Variants in CRHR2 observed in about 807,000 individuals in gnomAD.
CRHR2 encodes corticotropin-releasing hormone receptor 2.
A neutral mutation model predicts 57.9 loss-of-function variants in CRHR2; 53 were observed. The ratio of observed to expected loss-of-function variants is 0.92; its 90% CI spans 0.73 to 1.15. The LOEUF is 1.15. CRHR2 is among the 50% of genes most tolerant of loss of function. The probability of loss-of-function intolerance (pLI) is 0.00; values close to 1 mark genes in which losing one functional copy is unlikely to be tolerated. For synonymous variants in CRHR2, 213 were observed against 220.9 expected, an observed-to-expected ratio of 0.96 and a Z score of 0.32; for missense variants, 532 against 542.6, an observed-to-expected ratio of 0.98 and a Z score of 0.19.
chr7:30,665,682 C>T lies in CRHR2; in HGVS notation c.316-43G>A, dbSNP rs192510567. ...GGCAGGGCAGATGGAGGCATGGGCA[C>T]GTGGGGGTGGGGCTGGGTATTCCAG... On this transcript the variant is annotated intron_variant, in intron 3 of 11. Transcript: ENST00000471646. This position sits in a 1 kb window ranked among gnomAD's most constrained non-coding sequence, Gnocchi z 4.5. 155 of 1,508,066 alleles carry T rather than the reference C, an allele frequency of 1.0e-4. 1 individual carries two copies. The East Asian group carries it at 3.5e-3, about 34-fold the overall frequency. 93.4% of individuals were successfully genotyped at this position (1,508,066 alleles called of 1,614,324 possible). A position where few individuals can be genotyped will look rare whatever the true frequency, so the allele number is the denominator to read the frequency against.
rs1215426461 is a variant in CRHR2 at position 30,682,319 on chromosome 7, C to T, written c.-39G>A. 6 of 1,506,582 alleles carry T rather than the reference C, an allele frequency of 4.0e-6. No homozygotes were observed. The highest frequency in any genetic ancestry group is 5.4e-5 in the East Asian group (2 of 37,184). The allele number at this position is 1,506,582 out of a possible 1,614,324, so 93.3% of individuals were successfully genotyped here. A position where few individuals can be genotyped will look rare whatever the true frequency, so the allele number is the denominator to read the frequency against. The stretch of plus-strand genomic sequence containing the variant: ...CGCGTGCGGAGAGGGAGTGGGAGTG[C>T]GCGCCCGGCGTGACTGCGAGGGAGT... On this transcript the variant is annotated 5_prime_UTR_variant, in exon 1 of 12. Transcript: ENST00000471646.
chr7:30,658,071 C>T (rs896539588), intron 8 of CRHR2, among the ~76,000 whole-genome samples: 2 of 152,204 alleles, frequency 1.3e-5, no homozygotes, highest in African/African-American at 4.8e-5. Context: ...CTCATCTCAG[C>T]TTGGGTCTAT....
chr7:30,665,690 TG>T lies in CRHR2; in HGVS notation c.316-52del. On this transcript the variant is annotated intron_variant, in intron 3 of 11. Transcript: ENST00000471646. The surrounding 1 kb of genome is among the most constrained non-coding windows in gnomAD (Gnocchi z 4.5). Reference sequence around the variant, plus strand: ...AGATGGAGGCATGGGCACGTGGGGGTGGGGCTGGGTATTCCAGCCGTGGCCA... The same window carrying T: ...AGATGGAGGCATGGGCACGTGGGGGTGGGCTGGGTATTCCAGCCGTGGCCA... The T allele has an allele frequency of 1.4e-6, 2 of 1,472,386 alleles. No individual in the cohort carries two copies. The highest frequency in any genetic ancestry group is 1.2e-5 in the South Asian group (1 of 81,688). The allele number at this position is 1,472,386 out of a possible 1,614,324, so 91.2% of individuals were successfully genotyped here.
At position 30,682,315 on chromosome 7, in the gene CRHR2, A is replaced by T; in HGVS notation, c.-35T>A. On this transcript the variant is annotated 5_prime_UTR_variant, in exon 1 of 12. Coordinates refer to ENST00000471646, the MANE Select transcript of CRHR2 (RefSeq NM_001883.5). Reference sequence around the variant, plus strand: ...CAGCCGCGTGCGGAGAGGGAGTGGGAGTGCGCGCCCGGCGTGACTGCGAGG... The same window carrying T: ...CAGCCGCGTGCGGAGAGGGAGTGGGTGTGCGCGCCCGGCGTGACTGCGAGG... The T allele has an allele frequency of 6.6e-7, 1 of 1,518,880 alleles. No homozygotes were observed. Among genetic ancestry groups the T allele is most frequent in the Non-Finnish European group, 8.8e-7 (1 of 1,138,898 alleles). The allele number at this position is 1,518,880 out of a possible 1,614,324, so 94.1% of individuals were successfully genotyped here.
At chr7:30,693,610 T>C (rs1785000230) in intron 1 of CRHR2, among the ~76,000 whole-genome samples, 1 of 152,264 alleles carries the variant, frequency 6.6e-6, no homozygotes, top group South Asian at 2.1e-4. Flanking sequence ...TAGCACACTA[T>C]TGAACCCAAA....
chr7:30,655,377 G>C lies in CRHR2; in HGVS notation c.1053+203C>G, dbSNP rs560487434. On this transcript the variant is annotated intron_variant, in intron 10 of 11. Transcript: ENST00000471646. ...CTCAGAACAGGTGCTGGGACAGTAG[G>C]TGCGGGCTGGTAGGATGAAGACCCA... 3.9e-5 allele frequency among the ~76,000 whole-genome samples: 6 copies of C among 152,328 alleles called. No individual in the cohort carries two copies. In the South Asian group the frequency reaches 1.2e-3, roughly 32 times the overall value.
chr7:30,677,444 C>T lies in CRHR2; in HGVS notation c.229+4471G>A, dbSNP rs887283796. Among the ~76,000 whole-genome samples, 9 of 152,264 alleles carry T rather than the reference C, an allele frequency of 5.9e-5. No homozygotes were observed. In the Middle Eastern group the frequency reaches 0.01, roughly 173 times the overall value. On this transcript the variant is annotated intron_variant, in intron 2 of 11. Coordinates refer to ENST00000471646, the MANE Select transcript of CRHR2 (RefSeq NM_001883.5). ...ACTTCCATGCTAATCCACTTCCTTTCGGCCTACAGACAGGGAGACAGGCCC... is the reference window on the plus strand; with the variant it reads ...ACTTCCATGCTAATCCACTTCCTTTTGGCCTACAGACAGGGAGACAGGCCC...
intron 1 of CRHR2, among the ~76,000 whole-genome samples, chr7:30,690,698 T>C (rs2128150918): frequency 6.6e-6 from 1 of 151,296 alleles, no homozygotes; most frequent in East Asian, 1.9e-4. Context: ...TGCTCAGCCC[T>C]CACCACGTCA....
rs914684839 is a variant in CRHR2, at chr7:30,655,441, A to G, written c.1053+139T>C. The G allele has an allele frequency of 5.5e-6, 6 of 1,090,206 alleles. No individual in the cohort carries two copies. The East Asian group carries it at 1.5e-4, about 27-fold the overall frequency. The allele number at this position is 1,090,206 out of a possible 1,614,324, so 67.5% of individuals were successfully genotyped here. ...ATAACTGGCCAGGCTCAGGCTGAGC[A>G]TGTACGGGCTTCTAACTCTGTGGAT... On this transcript the variant is annotated intron_variant, in intron 10 of 11. Coordinates refer to ENST00000471646, the MANE Select transcript of CRHR2 (RefSeq NM_001883.5).
exon 1 of CRHR2, chr7:30,700,055 G>A: frequency 1.5e-6 from 2 of 1,376,934 alleles, no homozygotes; most frequent in Non-Finnish European, 1.9e-6. Context: ...CTGGGGGTTA[G>A]GGACTGGAGC....
At chr7:30,691,041 G>A (rs975944931) in intron 1 of CRHR2, among the ~76,000 whole-genome samples, 3 of 152,150 alleles carry the variant, frequency 2.0e-5, no homozygotes, top group African/African-American at 4.8e-5. Flanking sequence ...CAGCTTCTCG[G>A]GCATCAGGAA....
intron 2 of CRHR2, among the ~76,000 whole-genome samples, chr7:30,674,717 C>T (rs2284218): frequency 0.48 from 73,421 of 151,986 alleles, 20,450 homozygotes; most frequent in Non-Finnish European, 0.63. Flanking sequence ...TAGACAGAAT[C>T]CTCCCTCCCA....
chr7:30,655,163 T>C, intron 10 of CRHR2, 83 bp from the exon 11 acceptor site: 1 of 1,156,260 alleles, frequency 8.6e-7, no homozygotes, highest in Non-Finnish European at 1.2e-6. Flanking sequence ...GGGGACAAGA[T>C]GGTGGGGGGG....
At chr7:30,695,246 C>T (rs1785034791) in intron 1 of CRHR2, among the ~76,000 whole-genome samples, 1 of 152,108 alleles carries the variant, frequency 6.6e-6, no homozygotes, top group African/African-American at 2.4e-5. Context: ...GAAGAGGAGA[C>T]TTTAGATACT....
chr7:30,667,186 C>T (rs1784212437), intron 3 of CRHR2, 42 bp downstream of exon 3: 1 of 1,576,844 alleles, frequency 6.3e-7, no homozygotes, highest in Non-Finnish European at 8.7e-7. Flanking sequence ...AGTCCAAATA[C>T]CTGTGTGAGG....
rs1410222378 is a variant in CRHR2, at chr7:30,662,701, G to A, written c.690C>T (p.Ile230=). 7 of 1,613,666 alleles carry A rather than the reference G, an allele frequency of 4.3e-6. No individual in the cohort carries two copies. Among genetic ancestry groups the A allele is most frequent in the Middle Eastern group, 1.6e-4 (1 of 6,072 alleles). ...ERLRKCLFLF[I]GWCIPFPIIV... ...TGCCCCTGGGACCCTCACACCATCC[G>A]ATGAAGAGGAAGAGGCACTTGCGCA... Residue 230 remains isoleucine (I), a synonymous_variant, in exon 6 of 12, where the codon ATC becomes ATT. Transcript: ENST00000471646.
At chr7:30,692,017 G>A (rs1434412867) in intron 1 of CRHR2, among the ~76,000 whole-genome samples, 1 of 152,200 alleles carries the variant, frequency 6.6e-6, no homozygotes, top group Non-Finnish European at 1.5e-5. Flanking sequence ...GCAGAGTTCT[G>A]GGGATGCTGG....
At chr7:30,692,199 G>C (rs1029919047) in intron 1 of CRHR2, among the ~76,000 whole-genome samples, 2 of 152,224 alleles carry the variant, frequency 1.3e-5, no homozygotes, top group African/African-American at 4.8e-5. Context: ...TCTTGGCAAG[G>C]ACTTTAGGAG....
chr7:30,681,847 C>T (rs1784718244), intron 2 of CRHR2, 68 bp downstream of exon 2: 11 of 1,539,828 alleles, frequency 7.1e-6, no homozygotes, highest in Non-Finnish European at 8.7e-6. Flanking sequence ...CCGGAATCCT[C>T]TTTACTCCCT....
Sources: allele counts gnomAD v4.1 joint callset (sites outside exome capture counted in the v4.1 genomes callset), GRCh38; gene constraint gnomAD v4.1.1; non-coding constraint Gnocchi (gnomAD v3.1); transcripts MANE v1.5; gene names NCBI Gene and HGNC (gene_info 2026-07-23, HGNC 2026-07-21).